DIS3L2: variants seen among roughly 807,000 people sequenced by gnomAD.
DIS3L2 encodes DIS3-like exonuclease 2.
DIS3L2 carries 34 observed loss-of-function variants against 97.5 expected under a neutral mutation model. The observed-to-expected ratio is 0.35, with a 90% CI of 0.27 to 0.46. The LOEUF (loss-of-function observed/expected upper bound fraction) is 0.46, where lower values mean the gene tolerates loss of function less well. Among genes scored for constraint, DIS3L2 ranks in the 20% least tolerant of loss-of-function variants. The probability of loss-of-function intolerance (pLI) is 1.00; values close to 1 mark genes in which losing one functional copy is unlikely to be tolerated. For synonymous variants in DIS3L2, 435 were observed against 445.2 expected, an observed-to-expected ratio of 0.98 and a Z score of 0.29; for missense variants, 1,038 against 1,146.0, an observed-to-expected ratio of 0.91 and a Z score of 1.36.
At chr2:232,100,192 ATTTTTT>A (rs10594218) in intron 6 of DIS3L2, among the ~76,000 whole-genome samples, 2 of 112,486 alleles carry the variant, frequency 1.8e-5, no homozygotes, top group East Asian at 2.6e-4. Context: ...CCCTGCTAAT[ATTTTTT>A]TTTTTTTTTT....
chr2:232,026,081 T>A (rs1559551912), intron 4 of DIS3L2, among the ~76,000 whole-genome samples: 1 of 152,136 alleles, frequency 6.6e-6, no homozygotes, highest in East Asian at 1.9e-4. Flanking sequence ...TTTTGCTGCT[T>A]CCTCTCTTCC....
At chr2:232,341,996 A>G (rs1479048667), downstream of DIS3L2, among the ~76,000 whole-genome samples, 1 of 152,194 alleles carries the variant, frequency 6.6e-6, no homozygotes, top group Non-Finnish European at 1.5e-5. Context: ...CCCTGCCCAG[A>G]TGGCAGTTTT....
rs545792795 is a variant in DIS3L2, at chr2:232,258,834, A to G, written c.1426-4373A>G. ...TGCCTTACATACTGTGAGGTTGGCTATTCCGAGGACCCCCTCCATTTGGAT... is the reference window on the plus strand; with the variant it reads ...TGCCTTACATACTGTGAGGTTGGCTGTTCCGAGGACCCCCTCCATTTGGAT... On this transcript the variant is annotated intron_variant, in intron 12 of 20. Transcript: ENST00000325385. 1.9e-4 allele frequency among the ~76,000 whole-genome samples: 29 copies of G among 152,270 alleles called. No homozygotes were observed. In the South Asian group the frequency reaches 3.9e-3, roughly 21 times the overall value.
chr2:232,031,033 C>T (rs1416419489), intron 5 of DIS3L2, among the ~76,000 whole-genome samples: 2 of 152,118 alleles, frequency 1.3e-5, no homozygotes, highest in Admixed American at 6.6e-5. Context: ...TGCCATTCAT[C>T]TCTATAACTT....
At chr2:232,259,508 C>T (rs1240232786) in intron 12 of DIS3L2, among the ~76,000 whole-genome samples, 5 of 152,100 alleles carry the variant, frequency 3.3e-5, no homozygotes, top group Admixed American at 6.5e-5. Flanking sequence ...AGCCAGGAGA[C>T]GTGGGCCTGC....
chr2:232,317,421 T>A (rs547276592), intron 14 of DIS3L2, among the ~76,000 whole-genome samples: 4 of 152,264 alleles, frequency 2.6e-5, no homozygotes, highest in Non-Finnish European at 5.9e-5. Context: ...GTTCCTAACA[T>A]TCTTCTATTT....
intron 10 of DIS3L2, among the ~76,000 whole-genome samples, chr2:232,212,900 G>A (rs1357513663): frequency 6.6e-6 from 1 of 152,164 alleles, no homozygotes; most frequent in African/African-American, 2.4e-5. Context: ...TGGTGCCAAG[G>A]TTTCAACCTG....
chr2:232,087,369 A>G (rs1696692125), intron 5 of DIS3L2, 118 bp from the exon 6 acceptor site: 1 of 703,078 alleles, frequency 1.4e-6, no homozygotes, highest in Admixed American at 2.9e-5. Context: ...GAACTACATG[A>G]TTAGTGTCCA....
At chr2:232,115,633 G>C (rs540497448) in intron 6 of DIS3L2, among the ~76,000 whole-genome samples, 1 of 152,072 alleles carries the variant, frequency 6.6e-6, no homozygotes, top group Non-Finnish European at 1.5e-5. Context: ...TCATGGGGGC[G>C]GTTTCCCCCA....
intron 4 of DIS3L2, 48 bp from the exon 5 acceptor site, chr2:232,029,931 T>C (rs764449797): frequency 1.4e-6 from 2 of 1,387,736 alleles, no homozygotes; most frequent in Admixed American, 2.3e-5. Flanking sequence ...GTTTTTTGCT[T>C]TATGTGTTTT....
chr2:231,968,664 A>G (rs1157657063), intron 1 of DIS3L2, among the ~76,000 whole-genome samples: 1 of 152,248 alleles, frequency 6.6e-6, no homozygotes, highest in Non-Finnish European at 1.5e-5. Flanking sequence ...TAAGGCTTCT[A>G]TAAAAATTTT....
In DIS3L2 at chr2:231,982,532, T is replaced by TA. The variant is rs555731762; in HGVS notation, c.-94+20770dup. Reference sequence around the variant, plus strand: ...TCTGTCAAGTTTAGTGTGAAGTAGATAAAGAATGTTTTATTTCTTTTCCCT... The same window carrying TA: ...TCTGTCAAGTTTAGTGTGAAGTAGATAAAAGAATGTTTTATTTCTTTTCCCT... On this transcript the variant is annotated intron_variant, in intron 1 of 20. Coordinates refer to ENST00000325385, the MANE Select transcript of DIS3L2 (RefSeq NM_152383.5). Among the ~76,000 whole-genome samples, 5 of 152,200 alleles carry TA rather than the reference T, an allele frequency of 3.3e-5. No homozygotes were observed. The South Asian group carries it at 1.0e-3, about 31-fold the overall frequency.
At chr2:232,125,040 C>G (rs1698016654) in intron 6 of DIS3L2, among the ~76,000 whole-genome samples, 1 of 152,204 alleles carries the variant, frequency 6.6e-6, no homozygotes. Flanking sequence ...ACACACACGG[C>G]TTTCCTCCTA....
intron 13 of DIS3L2, among the ~76,000 whole-genome samples, chr2:232,273,437 G>A (rs1694057373): frequency 6.6e-6 from 1 of 152,166 alleles, no homozygotes. Context: ...TCAGGAGAGT[G>A]GATTGTAGCT....
At chr2:232,312,142 T>G (rs919195512) in intron 14 of DIS3L2, among the ~76,000 whole-genome samples, 8 of 152,236 alleles carry the variant, frequency 5.3e-5, no homozygotes, top group Non-Finnish European at 1.2e-4. Context: ...GTAGTTTGCT[T>G]TTTTACTGCC....
At chr2:231,976,026 A>C (rs1412502992) in intron 1 of DIS3L2, among the ~76,000 whole-genome samples, 2 of 152,050 alleles carry the variant, frequency 1.3e-5, no homozygotes, top group Non-Finnish European at 2.9e-5. Flanking sequence ...TTAAGAAGTA[A>C]ATGTGAATAT....
intron 6 of DIS3L2, among the ~76,000 whole-genome samples, chr2:232,130,321 C>G (rs73996906): frequency 2.6e-5 from 4 of 151,982 alleles, no homozygotes; most frequent in Non-Finnish European, 5.9e-5. Context: ...TTTGGAATTT[C>G]GACACACAGG....
At chr2:232,291,834 T>C (rs1694607748) in intron 13 of DIS3L2, among the ~76,000 whole-genome samples, 1 of 152,178 alleles carries the variant, frequency 6.6e-6, no homozygotes, top group African/African-American at 2.4e-5. Context: ...CCATGAGAGG[T>C]CATCTTGGAG....
At chr2:232,317,152 ATGTG>A (rs374919094) in intron 14 of DIS3L2, among the ~76,000 whole-genome samples, 3 of 152,162 alleles carry the variant, frequency 2.0e-5, no homozygotes, top group Admixed American at 2.0e-4. Flanking sequence ...AGTGTGGAGA[ATGTG>A]TGTGAAAGGC....
Sources: gnomAD v4.1 joint callset for allele counts (sites outside exome capture counted in the v4.1 genomes callset) on GRCh38, gnomAD v4.1.1 for gene constraint, MANE v1.5 for transcripts, NCBI Gene and HGNC (gene_info 2026-07-23, HGNC 2026-07-21) for gene names.